The following BPIFC variants were observed in gnomAD, a reference collection of about 807,000 sequenced individuals.
The protein encoded by BPIFC is BPI fold-containing family C protein.
In BPIFC, 60 loss-of-function variants were observed where a neutral mutation model predicts 57.6. That is an observed-to-expected ratio of 1.04 (90% CI 0.85 to 1.29). BPIFC has a LOEUF of 1.29. Among genes scored for constraint, BPIFC ranks in the 50% most tolerant of loss-of-function variants. BPIFC has a pLI of 0.00. For missense variants in BPIFC, 581 were observed against 600.5 expected, an observed-to-expected ratio of 0.97 and a Z score of 0.34; for synonymous variants, 243 against 224.5, an observed-to-expected ratio of 1.08 and a Z score of -0.74.
chr22:32,429,382 A>G (rs953673947), intron 13 of BPIFC, among the ~76,000 whole-genome samples: 3 of 150,074 alleles, frequency 2.0e-5, no homozygotes, highest in Non-Finnish European at 4.4e-5. Context: ...AATTTTTTGC[A>G]TTTTCAGTAG....
At chr22:32,428,906 A>C (rs536474981) in intron 13 of BPIFC, among the ~76,000 whole-genome samples, 3 of 152,268 alleles carry the variant, frequency 2.0e-5, no homozygotes, top group South Asian at 2.1e-4. Flanking sequence ...CTCAAAAAAA[A>C]ACAAAATTAT....
chr22:32,414,278 C>T lies in BPIFC; in HGVS notation c.*25G>A, dbSNP rs1452967942. 4.3e-5 allele frequency: 69 copies of T among 1,611,710 alleles called. No individual in the cohort carries two copies. The highest frequency in any genetic ancestry group is 5.8e-5 in the Non-Finnish European group (68 of 1,178,724). On this transcript the variant is annotated 3_prime_UTR_variant, in exon 17 of 17. Transcript: ENST00000300399. ...TTGTAGGATTAAGGACCATTTACTT[C>T]CTGGGGTGAATTGCAAACCGGCAAT...
intron 13 of BPIFC, among the ~76,000 whole-genome samples, chr22:32,424,678 T>TCC (rs1569448055): frequency 1.1e-5 from 1 of 90,460 alleles, no homozygotes; most frequent in African/African-American, 7.1e-5. Flanking sequence ...CTTCTTCTTC[T>TCC]TCTTCTTCTT....
At chr22:32,442,874 G>C (rs1432364197) in intron 7 of BPIFC, 143 bp from the exon 8 acceptor site, 5 of 783,232 alleles carry the variant, frequency 6.4e-6, no homozygotes, top group Non-Finnish European at 1.0e-5. Context: ...TCTTAAATTT[G>C]TTGATGTCTA....
At chr22:32,429,212 C>CT (rs888880806) in intron 13 of BPIFC, among the ~76,000 whole-genome samples, 64 of 142,076 alleles carry the variant, frequency 4.5e-4, no homozygotes, top group Non-Finnish European at 6.0e-4. Flanking sequence ...TTTTCTTTTT[C>CT]TTTTTTTTTT....
In BPIFC at chr22:32,447,225, C is replaced by CT; in HGVS notation, c.360_361insA (p.Glu121ArgfsTer12). 1 of 1,604,954 alleles carries CT rather than the reference C, an allele frequency of 6.2e-7. No homozygotes were observed. The highest frequency in any genetic ancestry group is 8.5e-7 in the Non-Finnish European group (1 of 1,175,678). ...TGGAATACTCACAAAAGTGGAGACT[C>CT]GAACCCCCAGTCTGTGCTGATGTTG... is the stretch of plus-strand genomic sequence containing the variant. On this transcript the variant is annotated frameshift_variant, in exon 5 of 17. Coordinates refer to ENST00000300399, the MANE Select transcript of BPIFC (RefSeq NM_174932.3). LOFTEE classifies it high-confidence loss of function.
At chr22:32,456,815 A>G (rs372005742) in intron 3 of BPIFC, among the ~76,000 whole-genome samples, 1 of 152,108 alleles carries the variant, frequency 6.6e-6, no homozygotes, top group African/African-American at 2.4e-5. Context: ...TCCTTCCCAC[A>G]TCCAATAAAT....
chr22:32,455,888 C>T (rs1935024737), intron 3 of BPIFC, among the ~76,000 whole-genome samples: 1 of 152,210 alleles, frequency 6.6e-6, no homozygotes, highest in Non-Finnish European at 1.5e-5. Context: ...CAAAGGCTGC[C>T]CTTCTCCACT....
intron 1 of BPIFC, among the ~76,000 whole-genome samples, chr22:32,462,168 C>CAAAAAAAAAAAAATAAAAAAATAAA (rs1935174799): frequency 1.9e-5 from 1 of 53,600 alleles, no homozygotes; most frequent in African/African-American, 6.9e-5. Flanking sequence ...GACTCCATCT[C>CAAAAAAAAAAAAATAAAAAAATAAA]AAAAAAAAAA....
At position 32,415,947 on chromosome 22, in the gene BPIFC, A is replaced by C; in HGVS notation, c.1369T>G (p.Leu457Val). 6.3e-7 allele frequency: 1 copy of C among 1,595,376 alleles called. No homozygotes were observed. Among genetic ancestry groups the C allele is most frequent in the Non-Finnish European group, 8.5e-7 (1 of 1,172,750 alleles). Reference sequence around the variant, plus strand: ...ACTTCAATATCTGAATTGACGAATAAGAATTTGTGTGGATTGGACAGAGGA... The same window carrying C: ...ACTTCAATATCTGAATTGACGAATACGAATTTGTGTGGATTGGACAGAGGA... ...GFPLSNPHKF[L>V]FVNSDIEVLE... The change falls in exon 16 of 17, where the codon TTA (leucine) becomes GTA (valine). Residue 457 changes from leucine to valine, a missense_variant. By Grantham distance (32) the Leu-to-Val change is conservative (BLOSUM62 1). Transcript: ENST00000300399.
chr22:32,445,714 A>C lies in BPIFC; in HGVS notation c.531-16T>G. ...ATACAGAACACTGAGGAAAAAAATGAAAAAAAAAAAAAAAAAAAAAAGAGG... is the reference window on the plus strand; with the variant it reads ...ATACAGAACACTGAGGAAAAAAATGCAAAAAAAAAAAAAAAAAAAAAGAGG... On this transcript the variant is annotated splice_polypyrimidine_tract_variant and intron_variant, in intron 6 of 16. Transcript: ENST00000300399. The C allele has an allele frequency of 1.1e-6, 1 of 935,018 alleles. No individual in the cohort carries two copies. The allele number at this position is 935,018 out of a possible 1,614,324, so 57.9% of individuals were successfully genotyped here.
chr22:32,415,568 T>G (rs1933649976), intron 16 of BPIFC, among the ~76,000 whole-genome samples: 1 of 152,170 alleles, frequency 6.6e-6, no homozygotes, highest in Non-Finnish European at 1.5e-5. Flanking sequence ...CCTGAGCCAC[T>G]TCTCTCTGAG....
chr22:32,444,840 C>T (rs1934671023), intron 7 of BPIFC, among the ~76,000 whole-genome samples: 1 of 152,148 alleles, frequency 6.6e-6, no homozygotes, highest in Non-Finnish European at 1.5e-5. Flanking sequence ...TTTTCCATTT[C>T]TCTGAACCTC....
chr22:32,431,336 A>G lies in BPIFC; in HGVS notation c.1217+11T>C, dbSNP rs1445843799. ...CTAAGGTGCCCCAACAGTCAAATTG[A>G]TTGATCTTACCTGTTCAGAGACAAG... On this transcript the variant is annotated intron_variant, in intron 13 of 16. Coordinates refer to ENST00000300399, the MANE Select transcript of BPIFC (RefSeq NM_174932.3). The G allele has an allele frequency of 6.2e-7, 1 of 1,606,330 alleles. No individual in the cohort carries two copies. Among genetic ancestry groups the G allele is most frequent in the Admixed American group, 1.7e-5 (1 of 59,606 alleles).
At chr22:32,417,570 A>G (rs1002495552) in intron 14 of BPIFC, among the ~76,000 whole-genome samples, 1 of 152,210 alleles carries the variant, frequency 6.6e-6, no homozygotes. Flanking sequence ...TTTCAGAGGG[A>G]TAATAGCTTT....
chr22:32,456,012 A>G (rs1045614148), intron 3 of BPIFC, among the ~76,000 whole-genome samples: 3 of 152,200 alleles, frequency 2.0e-5, no homozygotes, highest in Admixed American at 6.5e-5. Flanking sequence ...CCCATTTTCC[A>G]TATGAGAAAA....
intron 8 of BPIFC, among the ~76,000 whole-genome samples, chr22:32,438,281 A>C (rs76293237): frequency 0.057 from 8,721 of 152,328 alleles, 331 homozygotes; most frequent in Middle Eastern, 0.11. Flanking sequence ...ACGGTTGACC[A>C]CGGATAACTG....
At chr22:32,461,372 T>C (rs1402241173) in intron 2 of BPIFC, among the ~76,000 whole-genome samples, 1 of 152,044 alleles carries the variant, frequency 6.6e-6, no homozygotes. Flanking sequence ...CAGACAGCAC[T>C]AAGGGAAGCA....
At chr22:32,421,762 C>T (rs571255966) in intron 13 of BPIFC, among the ~76,000 whole-genome samples, 1 of 152,250 alleles carries the variant, frequency 6.6e-6, no homozygotes, top group East Asian at 1.9e-4. Flanking sequence ...TAGCTTACCA[C>T]CTAGTGGGGT....
Sources: allele counts gnomAD v4.1 joint callset (sites outside exome capture counted in the v4.1 genomes callset), GRCh38; gene constraint gnomAD v4.1.1; transcripts MANE v1.5; gene names NCBI Gene and HGNC (gene_info 2026-07-23, HGNC 2026-07-21).